Variants in RIMS1 observed in about 807,000 individuals in gnomAD.
RIMS1 encodes the protein regulating synaptic membrane exocytosis protein 1.
RIMS1 carries 83 observed loss-of-function variants against 214.1 expected under a neutral mutation model. That is an observed-to-expected ratio of 0.39 (90% CI 0.32 to 0.47). RIMS1 has a LOEUF of 0.47. RIMS1 is among the 20% of genes least tolerant of loss of function. RIMS1 has a pLI of 0.99. For missense variants in RIMS1, 2,050 were observed against 2,161.8 expected (o/e 0.95, Z 1.03); for synonymous variants, 793 against 786.8 (o/e 1.01, Z -0.13).
intron 1 of RIMS1, among the ~76,000 whole-genome samples, chr6:71,933,121 G>A (rs1369916193): frequency 6.6e-6 from 1 of 152,136 alleles, no homozygotes; most frequent in African/African-American, 2.4e-5. Flanking sequence ...AGAGTGGGGA[G>A]TAAGGTGGAA....
rs555014567 is a variant in RIMS1 at position 72,164,828 on chromosome 6, G to A, written c.472-14747G>A. Among the ~76,000 whole-genome samples the A allele has an allele frequency of 2.1e-3, 321 of 152,234 alleles. 4 individuals carry two copies. Among genetic ancestry groups the A allele is most frequent in the African/African-American group, 6.9e-3 (287 of 41,524 alleles). ...AACCTTCTTACTATATCTACAAATG[G>A]CAGGGAGAGAACAGTGTGGTCTCTT... On this transcript the variant is annotated intron_variant, in intron 4 of 33. Coordinates refer to ENST00000521978, the MANE Select transcript of RIMS1 (RefSeq NM_014989.7).
At chr6:72,196,389 A>ATCTATCTATCTG (rs2050919622) in intron 6 of RIMS1, among the ~76,000 whole-genome samples, 1 of 149,030 alleles carries the variant, frequency 6.7e-6, no homozygotes, top group African/African-American at 2.5e-5. Flanking sequence ...CTATCTATCT[A>ATCTATCTATCTG]TCTATCTATC....
intron 6 of RIMS1, 115 bp from the exon 7 acceptor site, chr6:72,233,658 T>A: frequency 1.3e-6 from 1 of 781,208 alleles, no homozygotes; most frequent in East Asian, 2.7e-5. Flanking sequence ...TTCTGCGATG[T>A]ACACGCTCAA....
intron 1 of RIMS1, among the ~76,000 whole-genome samples, chr6:71,901,619 G>A (rs938588936): frequency 6.6e-6 from 1 of 152,080 alleles, no homozygotes; most frequent in African/African-American, 2.4e-5. Flanking sequence ...ATGGTGGCAA[G>A]GGTGAAGGAC....
intron 6 of RIMS1, among the ~76,000 whole-genome samples, chr6:72,186,283 G>A (rs2049085438): frequency 6.6e-6 from 1 of 152,172 alleles, no homozygotes; most frequent in Non-Finnish European, 1.5e-5. Context: ...TAACTTTGAG[G>A]TAAAAAGTTC....
intron 27 of RIMS1, among the ~76,000 whole-genome samples, chr6:72,312,392 T>A (rs1055613370): frequency 6.6e-6 from 1 of 151,974 alleles, no homozygotes; most frequent in Non-Finnish European, 1.5e-5. Context: ...TTATTTATAG[T>A]TATGTAACCT....
chr6:72,194,168 C>G (rs535889831), intron 6 of RIMS1, among the ~76,000 whole-genome samples: 1 of 152,008 alleles, frequency 6.6e-6, no homozygotes, highest in Admixed American at 6.6e-5. Context: ...CATAACCATC[C>G]AAAGCAATAT....
At chr6:71,947,738 A>G (rs937532503) in intron 1 of RIMS1, among the ~76,000 whole-genome samples, 19 of 152,174 alleles carry the variant, frequency 1.2e-4, no homozygotes, top group Non-Finnish European at 2.2e-4. Context: ...GGAAAGGCAT[A>G]TAGTTTAGCC....
chr6:72,228,554 T>G (rs2060975207), intron 6 of RIMS1, among the ~76,000 whole-genome samples: 1 of 151,952 alleles, frequency 6.6e-6, no homozygotes, highest in South Asian at 2.1e-4. Context: ...TATACCACGT[T>G]TTCTTTATTC....
intron 29 of RIMS1, among the ~76,000 whole-genome samples, chr6:72,364,298 C>T (rs2154391436): frequency 6.6e-6 from 1 of 152,214 alleles, no homozygotes; most frequent in Admixed American, 6.5e-5. Context: ...CACTGGGATA[C>T]ATTTCTCTGT....
At chr6:72,357,049 G>C (rs1014381430) in intron 29 of RIMS1, among the ~76,000 whole-genome samples, 4 of 152,148 alleles carry the variant, frequency 2.6e-5, no homozygotes, top group African/African-American at 9.7e-5. Context: ...ATAAAGCACA[G>C]CTAAATACCA....
chr6:71,966,395 A>G (rs111458859), intron 1 of RIMS1, among the ~76,000 whole-genome samples: 1,819 of 152,382 alleles, frequency 0.012, 10 homozygotes, highest in Non-Finnish European at 0.018. Context: ...AGTTTTTATC[A>G]GAAAGATTCT....
At chr6:71,909,320 G>A (rs921298368) in intron 1 of RIMS1, among the ~76,000 whole-genome samples, 7 of 152,140 alleles carry the variant, frequency 4.6e-5, no homozygotes, top group Non-Finnish European at 8.8e-5. Flanking sequence ...CATACTTAAA[G>A]TTTTAAATAT....
At chr6:72,312,946 T>C (rs561583457) in intron 27 of RIMS1, among the ~76,000 whole-genome samples, 17 of 152,282 alleles carry the variant, frequency 1.1e-4, no homozygotes, top group Admixed American at 5.2e-4. Context: ...GATTTTTTCA[T>C]ATTTTGGTAT....
chr6:71,919,769 A>C (rs897145453), intron 1 of RIMS1, among the ~76,000 whole-genome samples: 2 of 152,220 alleles, frequency 1.3e-5, no homozygotes, highest in African/African-American at 4.8e-5. Context: ...TACTGAATCC[A>C]AGAGAAAAAT....
chr6:71,967,730 G>T (rs1794834378), intron 1 of RIMS1, among the ~76,000 whole-genome samples: 1 of 152,186 alleles, frequency 6.6e-6, no homozygotes, highest in Non-Finnish European at 1.5e-5. Context: ...TTTATGCAAA[G>T]GGAAGGTGTG....
At chr6:72,032,600 A>G (rs972270798) in intron 2 of RIMS1, among the ~76,000 whole-genome samples, 1 of 152,194 alleles carries the variant, frequency 6.6e-6, no homozygotes, top group Non-Finnish European at 1.5e-5. Flanking sequence ...CATTTCAATC[A>G]GATTTCACCC....
intron 27 of RIMS1, among the ~76,000 whole-genome samples, chr6:72,312,360 T>C (rs2095552659): frequency 6.6e-6 from 1 of 152,080 alleles, no homozygotes; most frequent in Non-Finnish European, 1.5e-5. Flanking sequence ...AGAAAACTAC[T>C]CACATTTTAG....
Position 72,274,440 on chromosome 6 carries a change from T to C in RIMS1, c.3482+8T>C, listed in dbSNP as rs756305958. 6.2e-7 allele frequency: 1 copy of C among 1,606,232 alleles called. No homozygotes were observed. Among genetic ancestry groups the C allele is most frequent in the Non-Finnish European group, 8.5e-7 (1 of 1,173,182 alleles). On this transcript the variant is annotated splice_region_variant and intron_variant, in intron 23 of 33. Transcript: ENST00000521978. Reference sequence around the variant, plus strand: ...GTCTCCGGAGAATGACAGGTACTAGTCAACTCCTCCTCACAGACAAGTGGC... The same window carrying C: ...GTCTCCGGAGAATGACAGGTACTAGCCAACTCCTCCTCACAGACAAGTGGC...
Sources: gnomAD v4.1 joint callset for allele counts (sites outside exome capture counted in the v4.1 genomes callset) on GRCh38, gnomAD v4.1.1 for gene constraint, MANE v1.5 for transcripts, NCBI Gene and HGNC (gene_info 2026-07-23, HGNC 2026-07-21) for gene names.